The following MGAT4C variants were observed in gnomAD, a reference collection of about 807,000 sequenced individuals.
MGAT4C encodes MGAT4 family member C.
A neutral mutation model predicts 40.1 loss-of-function variants in MGAT4C; 19 were observed. That is an observed-to-expected ratio of 0.47 (90% CI 0.33 to 0.70). MGAT4C has a LOEUF of 0.70. MGAT4C is among the 30% of genes least tolerant of loss of function. The probability of loss-of-function intolerance (pLI) is 0.02; values close to 1 mark genes in which losing one functional copy is unlikely to be tolerated. For missense variants in MGAT4C, 491 were observed against 563.2 expected (o/e 0.87, Z 1.30); for synonymous variants, 181 against 187.1 (o/e 0.97, Z 0.27).
intron 2 of MGAT4C, among the ~76,000 whole-genome samples, chr12:86,440,634 C>T (rs1484679588): frequency 2.0e-5 from 3 of 151,974 alleles, no homozygotes; most frequent in African/African-American, 7.2e-5. Context: ...CCAGAGCAAT[C>T]AGGGAAAAGA....
At chr12:85,999,739 G>T (rs1010121719) in intron 2 of MGAT4C, among the ~76,000 whole-genome samples, 2 of 152,064 alleles carry the variant, frequency 1.3e-5, no homozygotes, top group Admixed American at 1.3e-4. Flanking sequence ...GATGAAACCA[G>T]AATGCACATG....
At chr12:86,774,023 G>T (rs1276613653) in intron 1 of MGAT4C, among the ~76,000 whole-genome samples, 2 of 137,686 alleles carry the variant, frequency 1.5e-5, no homozygotes, top group Non-Finnish European at 3.1e-5. Context: ...GCATGACCTG[G>T]GCTTACTGCG....
chr12:86,369,750 C>G (rs1186340789), intron 3 of MGAT4C, among the ~76,000 whole-genome samples: 1 of 151,888 alleles, frequency 6.6e-6, no homozygotes, highest in Non-Finnish European at 1.5e-5. Flanking sequence ...TAATGCATTG[C>G]TTTTTTATTG....
chr12:86,249,414 T>C (rs59800562), intron 1 of MGAT4C, among the ~76,000 whole-genome samples: 2,240 of 152,282 alleles, frequency 0.015, 30 homozygotes, highest in African/African-American at 0.035. Context: ...GTGTTGACCA[T>C]TCCTGTTCCT....
chr12:86,705,960 TACA>T (rs1950448102), intron 2 of MGAT4C, among the ~76,000 whole-genome samples: 1 of 152,152 alleles, frequency 6.6e-6, no homozygotes. Flanking sequence ...GGAAGATTAG[TACA>T]ATAGAATAAA....
intron 1 of MGAT4C, among the ~76,000 whole-genome samples, chr12:86,107,317 C>T (rs1290180524): frequency 6.6e-6 from 1 of 151,894 alleles, no homozygotes; most frequent in Non-Finnish European, 1.5e-5. Context: ...AAGTCAAAGC[C>T]AGTTCTCTTT....
chr12:86,170,594 C>T (rs933771091), intron 1 of MGAT4C, among the ~76,000 whole-genome samples: 3 of 152,086 alleles, frequency 2.0e-5, no homozygotes, highest in Non-Finnish European at 4.4e-5. Context: ...ATGAGCAATG[C>T]AAAGTTAAAT....
chr12:86,704,041 C>A (rs1444374253), intron 2 of MGAT4C, among the ~76,000 whole-genome samples: 1 of 151,628 alleles, frequency 6.6e-6, no homozygotes, highest in Non-Finnish European at 1.5e-5. Flanking sequence ...ACTTTTATAG[C>A]AAATATGTAA....
chr12:85,989,520 A>G lies in MGAT4C; in HGVS notation c.27T>C (p.His9=), dbSNP rs1294285393. MFKFHQMK[H]IFEILDKMRC... Reference sequence around the variant, plus strand: ...TCATTTTATCAAGTATTTCAAAAATATGTTTCATTTGATGAAATTTAAACA... The same window carrying G: ...TCATTTTATCAAGTATTTCAAAAATGTGTTTCATTTGATGAAATTTAAACA... The change falls in exon 3 of 5, where the codon CAT becomes CAC. Residue 9 remains histidine, a synonymous_variant. Coordinates refer to ENST00000611864, the MANE Select transcript of MGAT4C (RefSeq NM_001351288.2). 2.5e-6 allele frequency: 4 copies of G among 1,605,156 alleles called. No homozygotes were observed. In the South Asian group the frequency reaches 3.4e-5, roughly 13 times the overall value.
At chr12:86,351,440 G>C (rs937331167) in intron 3 of MGAT4C, among the ~76,000 whole-genome samples, 1 of 151,888 alleles carries the variant, frequency 6.6e-6, no homozygotes, top group Non-Finnish European at 1.5e-5. Flanking sequence ...AAATAAGGGA[G>C]AGATTGTCAA....
chr12:86,459,276 G>T (rs980580276), intron 2 of MGAT4C, among the ~76,000 whole-genome samples: 3 of 152,024 alleles, frequency 2.0e-5, no homozygotes. Context: ...CTCTTATCTT[G>T]AGTGTGGGCA....
At chr12:86,139,887 T>G (rs979065730) in intron 1 of MGAT4C, among the ~76,000 whole-genome samples, 5 of 152,208 alleles carry the variant, frequency 3.3e-5, no homozygotes, top group African/African-American at 1.2e-4. Flanking sequence ...CCATTCCTCA[T>G]CCAGCAGTTA....
Position 86,641,114 on chromosome 12 carries a change from C to A in MGAT4C, c.-229+86095G>T, listed in dbSNP as rs1033375492. Among the ~76,000 whole-genome samples, 5 of 151,860 alleles carry A rather than the reference C, an allele frequency of 3.3e-5. No individual in the cohort carries two copies. In the South Asian group the frequency reaches 1.0e-3, roughly 32 times the overall value. On this transcript the variant is annotated intron_variant, in intron 2 of 7. Coordinates refer to the MGAT4C transcript ENST00000548651. Reference sequence around the variant, plus strand: ...ATTCACAATAGCAAAGACTTGGAACCAACCCAAATGTCCAACAATGATAGA... The same window carrying A: ...ATTCACAATAGCAAAGACTTGGAACAAACCCAAATGTCCAACAATGATAGA...
At chr12:86,168,543 C>A (rs1366331251) in intron 1 of MGAT4C, among the ~76,000 whole-genome samples, 1 of 152,060 alleles carries the variant, frequency 6.6e-6, no homozygotes, top group Non-Finnish European at 1.5e-5. Flanking sequence ...CAGAAAGATT[C>A]AGGAAGTATG....
chr12:86,421,509 C>T (rs182842721), intron 3 of MGAT4C, among the ~76,000 whole-genome samples: 69 of 152,262 alleles, frequency 4.5e-4, no homozygotes, highest in Middle Eastern at 3.4e-3. Context: ...CCATGGCTCA[C>T]GCCTGTAGTC....
At position 86,401,260 on chromosome 12, in the gene MGAT4C, ATGTG is replaced by A. The variant is rs10548304; in HGVS notation, c.-120+33893_-120+33896del. The stretch of plus-strand genomic sequence containing the variant: ...CTAAAGTTGTAGATAACATATATAT[ATGTG>A]TGTGTGTGTGTGTGTGTATGTGGGT... On this transcript the variant is annotated intron_variant, in intron 3 of 7. Transcript: ENST00000548651. 2.6e-3 allele frequency among the ~76,000 whole-genome samples: 390 copies of A among 147,912 alleles called. 2 individuals carry two copies. The highest frequency in any genetic ancestry group is 6.9e-3 in the Middle Eastern group (2 of 288).
chr12:86,389,335 G>C (rs1416591556), intron 3 of MGAT4C, among the ~76,000 whole-genome samples: 1 of 152,088 alleles, frequency 6.6e-6, no homozygotes, highest in African/African-American at 2.4e-5. Flanking sequence ...AAGGAAAATG[G>C]CCTCTAGCTC....
chr12:86,619,182 G>A (rs1393471262), intron 2 of MGAT4C, among the ~76,000 whole-genome samples: 11 of 151,986 alleles, frequency 7.2e-5, no homozygotes, highest in Admixed American at 5.3e-4. Context: ...AGGAGTCTTG[G>A]AACCAATCTT....
intron 2 of MGAT4C, among the ~76,000 whole-genome samples, chr12:86,555,669 C>T (rs900805176): frequency 1.4e-4 from 21 of 152,176 alleles, no homozygotes; most frequent in African/African-American, 5.1e-4. Flanking sequence ...TCTCCATTAT[C>T]TCAAGTAACA....
Sources: gnomAD v4.1 joint callset for allele counts (sites outside exome capture counted in the v4.1 genomes callset) on GRCh38, gnomAD v4.1.1 for gene constraint, MANE v1.5 for transcripts, NCBI Gene and HGNC (gene_info 2026-07-23, HGNC 2026-07-21) for gene names.